CADM1: variants seen among roughly 807,000 people sequenced by gnomAD.
CADM1 encodes the protein TSLC-1.
Under a neutral mutation model 53.1 loss-of-function variants are expected in CADM1, and 15 were observed. That is an observed-to-expected ratio of 0.28 (90% CI 0.19 to 0.44). CADM1 has a LOEUF of 0.44. CADM1 is among the 20% of genes least tolerant of loss of function. CADM1 has a pLI of 1.00. For synonymous variants in CADM1, 281 were observed against 243.0 expected (o/e 1.16, Z -1.45); for missense variants, 434 against 611.3 (o/e 0.71, Z 3.06).
intron 1 of CADM1, among the ~76,000 whole-genome samples, chr11:115,418,242 A>C (rs528641427): frequency 7.9e-5 from 12 of 152,294 alleles, no homozygotes; most frequent in Admixed American, 5.2e-4. Flanking sequence ...AAAGAAAATG[A>C]AACTTCTTTA....
chr11:115,457,673 G>T (rs896668630), intron 1 of CADM1, among the ~76,000 whole-genome samples: 2 of 152,042 alleles, frequency 1.3e-5, no homozygotes, highest in Non-Finnish European at 2.9e-5. Context: ...AAGAAAAGTG[G>T]AACAGACTTT....
intron 1 of CADM1, among the ~76,000 whole-genome samples, chr11:115,492,384 C>G (rs926661131): frequency 2.6e-5 from 4 of 152,102 alleles, no homozygotes. Flanking sequence ...TGAGAATGGA[C>G]AGTTTTGATT....
intron 10 of CADM1, among the ~76,000 whole-genome samples, chr11:115,183,566 A>G (rs1841990927): frequency 1.3e-5 from 2 of 152,184 alleles, no homozygotes; most frequent in African/African-American, 4.8e-5. Context: ...TCGGCTACAC[A>G]GAGTCCAAGG....
chr11:115,326,721 T>C (rs1944969090), intron 1 of CADM1, among the ~76,000 whole-genome samples: 1 of 152,166 alleles, frequency 6.6e-6, no homozygotes, highest in Admixed American at 6.6e-5. Context: ...AGATGATGAA[T>C]ATTAAAAGCA....
intron 11 of CADM1, among the ~76,000 whole-genome samples, chr11:115,178,369 G>T (rs946005030): frequency 6.6e-6 from 1 of 151,982 alleles, no homozygotes; most frequent in African/African-American, 2.4e-5. Context: ...CCCCAATTAT[G>T]GATGGCAGAA....
At chr11:115,179,110 T>C in intron 10 of CADM1, 1 of 363,272 alleles carries the variant, frequency 2.8e-6, no homozygotes, top group South Asian at 2.3e-5. Flanking sequence ...CAGAGCCTAA[T>C]TAAGGGGGCT....
intron 1 of CADM1, among the ~76,000 whole-genome samples, chr11:115,414,774 C>CT (rs60930352): frequency 1 from 152,317 of 152,318 alleles, 76,158 homozygotes; most frequent in Middle Eastern, 1. Flanking sequence ...ACACTTCATT[C>CT]TTGCTCATTC....
chr11:115,209,480 A>G, intron 8 of CADM1, 94 bp downstream of exon 8: 1 of 1,563,186 alleles, frequency 6.4e-7, no homozygotes, highest in Non-Finnish European at 8.7e-7. Context: ...ATTAAATTCC[A>G]AGGATTTAAA....
chr11:115,358,093 C>G (rs568480419), intron 1 of CADM1, among the ~76,000 whole-genome samples: 1 of 152,264 alleles, frequency 6.6e-6, no homozygotes, highest in African/African-American at 2.4e-5. Context: ...CAAAACATCA[C>G]CACAATCAAG....
intron 1 of CADM1, among the ~76,000 whole-genome samples, chr11:115,410,247 T>A (rs978674857): frequency 6.6e-6 from 1 of 152,234 alleles, no homozygotes; most frequent in Non-Finnish European, 1.5e-5. Context: ...TCTTACAAAT[T>A]GTGCTTCTTA....
At position 115,171,202 on chromosome 11, in the gene CADM1, A is replaced by AG. The variant is rs777220215; in HGVS notation, c.*5271dup. 3.9e-5 allele frequency: 6 copies of AG among 152,218 alleles called. No homozygotes were observed. Among genetic ancestry groups the AG allele is most frequent in the Non-Finnish European group, 8.8e-5 (6 of 68,044 alleles). 9.4% of individuals were successfully genotyped at this position (152,218 alleles called of 1,614,324 possible). On this transcript the variant is annotated 3_prime_UTR_variant, in exon 12 of 12. Transcript: ENST00000331581. Reference sequence around the variant, plus strand: ...TGTGGCTGCCAGTTCTTCATGACAAAGGGCTGCGTATTTGGGATCCTGGCA... The same window carrying AG: ...TGTGGCTGCCAGTTCTTCATGACAAAGGGGCTGCGTATTTGGGATCCTGGCA...
chr11:115,412,349 C>T (rs562223100), intron 1 of CADM1, among the ~76,000 whole-genome samples: 6 of 152,218 alleles, frequency 3.9e-5, no homozygotes, highest in Admixed American at 3.9e-4. Flanking sequence ...CAAGCACCAC[C>T]ATGCCCAGCT....
At chr11:115,308,194 G>GTGTATATATATA (rs1944434433) in intron 1 of CADM1, among the ~76,000 whole-genome samples, 1 of 123,968 alleles carries the variant, frequency 8.1e-6, no homozygotes, top group African/African-American at 3.0e-5. Flanking sequence ...TCATAGGTGT[G>GTGTATATATATA]TATATATATA....
intron 1 of CADM1, among the ~76,000 whole-genome samples, chr11:115,458,999 A>G (rs1170395554): frequency 6.6e-6 from 1 of 152,204 alleles, no homozygotes; most frequent in Non-Finnish European, 1.5e-5. Context: ...CATGTAAACA[A>G]AGAAACCTCT....
At chr11:115,224,397 C>T (rs533937728) in intron 5 of CADM1, among the ~76,000 whole-genome samples, 81 of 152,170 alleles carry the variant, frequency 5.3e-4, no homozygotes, top group African/African-American at 1.8e-3. Context: ...ATGATGCCCA[C>T]GTATACAATT....
chr11:115,338,892 AT>A (rs10577568), intron 1 of CADM1, among the ~76,000 whole-genome samples: 3,139 of 132,648 alleles, frequency 0.024, 84 homozygotes, highest in African/African-American at 0.076. Context: ...TTTTTTTTTA[AT>A]TTTTTTTTTT....
chr11:115,340,653 TA>T lies in CADM1; in HGVS notation c.125-100234del, dbSNP rs1386669039. Among the ~76,000 whole-genome samples the T allele has an allele frequency of 6.0e-3, 223 of 37,388 alleles. 1 individual carries two copies. Among genetic ancestry groups the T allele is most frequent in the Middle Eastern group, 0.013 (1 of 80 alleles). 24.5% of individuals were successfully genotyped at this position (37,388 alleles called of 152,430 possible). ...ATATATATATATATATATATATATA[TA>T]TATATTTTTTTTTTTTTTTTTTTTG... On this transcript the variant is annotated intron_variant, in intron 1 of 11. Coordinates refer to ENST00000331581, the MANE Select transcript of CADM1 (RefSeq NM_001301043.2).
chr11:115,415,080 G>A (rs1947559834), intron 1 of CADM1, among the ~76,000 whole-genome samples: 1 of 152,150 alleles, frequency 6.6e-6, no homozygotes, highest in African/African-American at 2.4e-5. Context: ...AGAGTTTTGA[G>A]CTTGAAAAAT....
chr11:115,440,362 G>A (rs187941330), intron 1 of CADM1, among the ~76,000 whole-genome samples: 1 of 152,302 alleles, frequency 6.6e-6, no homozygotes, highest in East Asian at 1.9e-4. Flanking sequence ...GATCCTATCT[G>A]TCTTGTGAAC....
Sources: allele counts gnomAD v4.1 joint callset (sites outside exome capture counted in the v4.1 genomes callset), GRCh38; gene constraint gnomAD v4.1.1; transcripts MANE v1.5; gene names NCBI Gene and HGNC (gene_info 2026-07-23, HGNC 2026-07-21).